The following DBH variants were observed in gnomAD, a reference collection of about 807,000 sequenced individuals.
DBH encodes dopamine beta-hydroxylase.
DBH carries 49 observed loss-of-function variants against 64.0 expected under a neutral mutation model. That is an observed-to-expected ratio of 0.77 (90% confidence interval 0.61 to 0.97). DBH has a LOEUF of 0.97. Among genes scored for constraint, DBH ranks in the 50% least tolerant of loss-of-function variants. The pLI, the probability that DBH is intolerant of heterozygous loss-of-function variation, is 0.00. For missense variants in DBH, 828 were observed against 826.6 expected (o/e 1.00, Z -0.02); for synonymous variants, 343 against 347.1 (o/e 0.99, Z 0.13).
At chr9:133,651,883 CT>C in intron 7 of DBH, 106 bp downstream of exon 7, 2 of 1,243,542 alleles carry the variant, frequency 1.6e-6, no homozygotes, top group Non-Finnish European at 2.3e-6. Flanking sequence ...AGGCTGGCTT[CT>C]TTTTCCTGGG....
chr9:133,644,550 C>A (rs958247364), intron 5 of DBH, among the ~76,000 whole-genome samples: 1 of 152,240 alleles, frequency 6.6e-6, no homozygotes, highest in Non-Finnish European at 1.5e-5. Context: ...CAGGGCCCAG[C>A]AGTGGCCCCA....
intron 6 of DBH, among the ~76,000 whole-genome samples, chr9:133,650,503 T>C (rs569805712): frequency 8.1e-5 from 12 of 148,218 alleles, no homozygotes; most frequent in African/African-American, 1.7e-4. Flanking sequence ...TTCTTTCCTT[T>C]CTTTCTTTCC....
chr9:133,651,611 A>G (rs1832248915), intron 6 of DBH, 23 bp from the exon 7 acceptor site: 1 of 1,612,604 alleles, frequency 6.2e-7, no homozygotes, highest in Non-Finnish European at 8.5e-7. Flanking sequence ...AGGCCCTGAC[A>G]CTGCAGCCCC....
chr9:133,657,459 G>GA (rs1370101620), intron 11 of DBH: 134 of 505,976 alleles, frequency 2.6e-4, no homozygotes, highest in Admixed American at 4.5e-4. Flanking sequence ...GAGGAGAGAG[G>GA]GAGAGGGAGA....
chr9:133,654,416 T>C (rs770197930), intron 9 of DBH, among the ~76,000 whole-genome samples: 1 of 152,140 alleles, frequency 6.6e-6, no homozygotes, highest in Non-Finnish European at 1.5e-5. Flanking sequence ...ACATAAAGGC[T>C]CAGAGAGGGC....
Position 133,658,772 on chromosome 9 carries a change from A to C in DBH, c.*325A>C. 5.0e-6 allele frequency: 1 copy of C among 199,276 alleles called. No individual in the cohort carries two copies. 12.3% of individuals were successfully genotyped at this position (199,276 alleles called of 1,614,324 possible). On this transcript the variant is annotated 3_prime_UTR_variant, in exon 12 of 12. Coordinates refer to ENST00000393056, the MANE Select transcript of DBH (RefSeq NM_000787.4). ...CCCTCCGCCAGCCCTGTTCCGCCTC[A>C]CTGGGTGTGGCCTGGCTTCTGGGAC...
rs776901479 is a variant in DBH, at chr9:133,642,169, C to G, written c.487-38C>G. ...TCTCAGGAGCCCAACTCTGGGGGCT[C>G]TGAGAGGGCGACCAGCTGAACCCTG... On this transcript the variant is annotated intron_variant, in intron 2 of 11. Coordinates refer to ENST00000393056, the MANE Select transcript of DBH (RefSeq NM_000787.4). 8.1e-6 allele frequency: 13 copies of G among 1,609,464 alleles called. No homozygotes were observed. The Admixed American group carries it at 2.2e-4, about 27-fold the overall frequency.
rs778526114 is a variant in DBH at position 133,658,350 on chromosome 9, T to C, written c.1757T>C (p.Ile586Thr). 5 of 1,613,472 alleles carry C rather than the reference T, an allele frequency of 3.1e-6. No homozygotes were observed. Among genetic ancestry groups the C allele is most frequent in the Non-Finnish European group, 4.2e-6 (5 of 1,179,806 alleles). ...AACCTGCAGCCCCTGCCCAAGGTCA[T>C]CTCCACACTGGAAGAGCCCACCCCA... ...EWNLQPLPKV[I>T]STLEEPTPQC... Residue 586 changes from isoleucine (I) to threonine (T), a missense_variant, in exon 12 of 12, where the codon ATC becomes ACC. By Grantham distance (89) the Ile-to-Thr change is moderately conservative. Coordinates refer to ENST00000393056, the MANE Select transcript of DBH (RefSeq NM_000787.4).
At chr9:133,652,834 A>G (rs1832267154) in intron 8 of DBH, 106 bp from the exon 9 acceptor site, 1 of 793,876 alleles carries the variant, frequency 1.3e-6, no homozygotes, top group South Asian at 1.4e-5. Flanking sequence ...ACTGTACCCC[A>G]GAGGTGCCGT....
In DBH at chr9:133,643,477, C is replaced by T. The variant is rs369145541; in HGVS notation, c.809C>T (p.Ala270Val). 33 of 1,613,772 alleles carry T rather than the reference C, an allele frequency of 2.0e-5. No individual in the cohort carries two copies. The highest frequency in any genetic ancestry group is 2.4e-5 in the Non-Finnish European group (28 of 1,179,950). ...CACCACATGGAAGTCTTCCAGTGCGCCCCCGAGATGGACAGCGTCCCCCAC... is the reference window on the plus strand; with the variant it reads ...CACCACATGGAAGTCTTCCAGTGCGTCCCCGAGATGGACAGCGTCCCCCAC... ...LVHHMEVFQC[A>V]PEMDSVPHFS... The change falls in exon 4 of 12, where the codon GCC (alanine) becomes GTC (valine). Residue 270 changes from alanine to valine, a missense_variant. Ala to Val is a moderately conservative substitution (Grantham distance 64, BLOSUM62 0). Coordinates refer to ENST00000393056, the MANE Select transcript of DBH (RefSeq NM_000787.4). This position sits in a 1 kb window ranked among gnomAD's most constrained non-coding sequence, Gnocchi z 5.3.
rs761127004 is a variant in DBH, at chr9:133,658,312, G to A, written c.1723-4G>A. The A allele has an allele frequency of 3.1e-6, 5 of 1,613,838 alleles. No homozygotes were observed. The highest frequency in any genetic ancestry group is 1.7e-6 in the Non-Finnish European group (2 of 1,179,862). ...CAGTTTACCTCCTGCCCCCTTCCTT[G>A]CAGGGTGAATGGAACCTGCAGCCCC... On this transcript the variant is annotated splice_region_variant and splice_polypyrimidine_tract_variant and intron_variant, in intron 11 of 11. Transcript: ENST00000393056.
intron 11 of DBH, among the ~76,000 whole-genome samples, chr9:133,657,471 A>G (rs1444987355): frequency 1.5e-5 from 2 of 137,562 alleles, no homozygotes; most frequent in South Asian, 4.8e-4. Context: ...AGAGGGAGAG[A>G]GGGAGAGGGA....
At chr9:133,649,815 G>A (rs1237439356) in intron 6 of DBH, among the ~76,000 whole-genome samples, 2 of 152,176 alleles carry the variant, frequency 1.3e-5, no homozygotes. Flanking sequence ...TGGGGCCTTC[G>A]ACCCCGCTGA....
In DBH at chr9:133,658,477, G is replaced by C; in HGVS notation, c.*30G>C. 6.3e-7 allele frequency: 1 copy of C among 1,586,898 alleles called. No homozygotes were observed. Among genetic ancestry groups the C allele is most frequent in the Non-Finnish European group, 8.6e-7 (1 of 1,164,832 alleles). On this transcript the variant is annotated 3_prime_UTR_variant, in exon 12 of 12. Transcript: ENST00000393056. ...GGACCTACTCCTCCCCCTCCTCCAT[G>C]CTGTCCCTGTGGGCTCACACCGGCA...
chr9:133,656,692 C>A, intron 10 of DBH, 42 bp downstream of exon 10: 1 of 1,606,906 alleles, frequency 6.2e-7, no homozygotes, highest in Non-Finnish European at 8.5e-7. Flanking sequence ...CAGGGAACCC[C>A]GACACAGAAC....
intron 10 of DBH, 74 bp downstream of exon 10, chr9:133,656,724 G>A (rs1194304520): frequency 6.3e-7 from 1 of 1,583,214 alleles, no homozygotes; most frequent in Non-Finnish European, 8.6e-7. Context: ...TAGGCGGCTG[G>A]GCAGATTGGA....
At chr9:133,657,420 G>A (rs1230388388) in intron 11 of DBH, 191 bp downstream of exon 11, 2 of 466,086 alleles carry the variant, frequency 4.3e-6, no homozygotes, top group Non-Finnish European at 7.6e-6. Context: ...AGAGAGGAGA[G>A]AGAGGAGAGA....
intron 11 of DBH, 147 bp from the exon 12 acceptor site, chr9:133,658,169 A>G: frequency 9.1e-7 from 1 of 1,096,840 alleles, no homozygotes. Context: ...ACCCCCAAAA[A>G]GCAACTTGGG....
rs1426148219 is a variant in DBH at position 133,652,957 on chromosome 9, C to T, written c.1392C>T (p.Thr464=). The T allele has an allele frequency of 1.9e-6, 3 of 1,613,638 alleles. No individual in the cohort carries two copies. The highest frequency in any genetic ancestry group is 2.5e-6 in the Non-Finnish European group (3 of 1,179,828). The change falls in exon 9 of 12, where the codon ACC becomes ACT. Residue 464 remains threonine, a synonymous_variant. Transcript: ENST00000393056. ...TTCCTCAGGGAGATGTGCTCATCAC[C>T]TCCTGCACGTACAACACAGAAGACC... ...VSVHPGDVLI[T]SCTYNTEDRE... is the part of the protein sequence containing the mutation.
Sources: gnomAD v4.1 joint callset for allele counts (sites outside exome capture counted in the v4.1 genomes callset) on GRCh38, gnomAD v4.1.1 for gene constraint, Gnocchi (gnomAD v3.1) non-coding constraint, MANE v1.5 for transcripts, NCBI Gene and HGNC (gene_info 2026-07-23, HGNC 2026-07-21) for gene names.